SAMD4A: variants seen among roughly 807,000 people sequenced by gnomAD.
The protein encoded by SAMD4A is sterile alpha motif domain containing 4A, also known as protein Smaug homolog 1.
Under a neutral mutation model 81.3 loss-of-function variants are expected in SAMD4A, and 33 were observed. The observed-to-expected ratio is 0.41, with a 90% CI of 0.31 to 0.54. The LOEUF (loss-of-function observed/expected upper bound fraction) is 0.54. Among genes scored for constraint, SAMD4A ranks in the 20% least tolerant of loss-of-function variants. The probability of loss-of-function intolerance (pLI) is 0.37; values close to 1 mark genes in which losing one functional copy is unlikely to be tolerated. For synonymous variants in SAMD4A, 389 were observed against 382.1 expected (o/e 1.02, Z -0.21); for missense variants, 854 against 951.1 (o/e 0.90, Z 1.34).
At chr14:54,569,349 A>G (rs1212449121) in intron 2 of SAMD4A, among the ~76,000 whole-genome samples, 1 of 152,166 alleles carries the variant, frequency 6.6e-6, no homozygotes, top group African/African-American at 2.4e-5. Context: ...CTAGAATGGG[A>G]TGCTTCCATA....
intron 2 of SAMD4A, among the ~76,000 whole-genome samples, chr14:54,576,612 A>G (rs1001302836): frequency 1.3e-5 from 2 of 152,222 alleles, no homozygotes; most frequent in African/African-American, 2.4e-5. Context: ...TGGAGAACTA[A>G]TGCCATTTCC....
At chr14:54,721,206 C>T (rs1260149526) in intron 3 of SAMD4A, among the ~76,000 whole-genome samples, 1 of 152,172 alleles carries the variant, frequency 6.6e-6, no homozygotes, top group Non-Finnish European at 1.5e-5. Flanking sequence ...TTCACCATAG[C>T]ATTCCATTGT....
At chr14:54,766,414 C>T (rs1453405093) in intron 8 of SAMD4A, among the ~76,000 whole-genome samples, 1 of 152,146 alleles carries the variant, frequency 6.6e-6, no homozygotes, top group Non-Finnish European at 1.5e-5. Flanking sequence ...CCATCACAGC[C>T]ATGATGAGAA....
In SAMD4A at chr14:54,667,694, A is replaced by G. The variant is rs137962901; in HGVS notation, c.197-34368A>G. ...CTTCTCTCTCTTGCTGTCATGTGCAATTTGTTTCACCAGTAACTCAGGTGG... is the reference window on the plus strand; with the variant it reads ...CTTCTCTCTCTTGCTGTCATGTGCAGTTTGTTTCACCAGTAACTCAGGTGG... On this transcript the variant is annotated intron_variant, in intron 2 of 12. Transcript: ENST00000554335. Among the ~76,000 whole-genome samples the G allele has an allele frequency of 6.8e-4, 104 of 152,232 alleles. 2 individuals carry two copies. The highest frequency in any genetic ancestry group is 2.2e-4 in the Non-Finnish European group (15 of 68,016).
Position 54,664,813 on chromosome 14 carries a change from A to G in SAMD4A, c.197-37249A>G, listed in dbSNP as rs542595188. Among the ~76,000 whole-genome samples, 27 of 115,950 alleles carry G rather than the reference A, an allele frequency of 2.3e-4. No individual in the cohort carries two copies. In the South Asian group the frequency reaches 6.8e-3, roughly 29 times the overall value. The allele number at this position is 115,950 out of a possible 152,430, so 76.1% of individuals were successfully genotyped here. On this transcript the variant is annotated intron_variant, in intron 2 of 12. Coordinates refer to ENST00000554335, the MANE Select transcript of SAMD4A (RefSeq NM_015589.6). ...ATATGTTTAATTATGTGAATCCAAC[A>G]CACACACACACACACACACACACAC...
chr14:54,654,177 A>G (rs1357526538), intron 2 of SAMD4A, among the ~76,000 whole-genome samples: 3 of 152,140 alleles, frequency 2.0e-5, no homozygotes, highest in African/African-American at 7.2e-5. Context: ...CCCAAGCTTG[A>G]GCTCTTTCCT....
intron 2 of SAMD4A, among the ~76,000 whole-genome samples, chr14:54,625,149 TA>T (rs2034714430): frequency 6.6e-6 from 1 of 152,082 alleles, no homozygotes; most frequent in Non-Finnish European, 1.5e-5. Context: ...CCACAGCCCA[TA>T]AAAGGTTTTC....
intron 3 of SAMD4A, among the ~76,000 whole-genome samples, chr14:54,712,116 GA>G: frequency 6.6e-6 from 1 of 152,136 alleles, no homozygotes; most frequent in South Asian, 2.1e-4. Context: ...TGGCCTCTTG[GA>G]ACCTAAAAAG....
chr14:54,570,438 A>G (rs1202667), intron 2 of SAMD4A, among the ~76,000 whole-genome samples: 90,801 of 152,048 alleles, frequency 0.6, 28,570 homozygotes, highest in Non-Finnish European at 0.7. Context: ...TCTAGACACA[A>G]TCCTAACATT....
chr14:54,575,289 C>G (rs1253344955), intron 2 of SAMD4A, among the ~76,000 whole-genome samples: 1 of 152,198 alleles, frequency 6.6e-6, no homozygotes, highest in Admixed American at 6.5e-5. Context: ...GATGCTCTTT[C>G]TCCTGTCTCA....
chr14:54,765,318 G>A (rs927903969), intron 8 of SAMD4A, among the ~76,000 whole-genome samples: 5 of 152,146 alleles, frequency 3.3e-5, no homozygotes, highest in African/African-American at 7.2e-5. Context: ...GTAGGATTTC[G>A]ATGTGAGAAT....
intron 11 of SAMD4A, among the ~76,000 whole-genome samples, chr14:54,779,995 T>C (rs1338566578): frequency 6.6e-6 from 1 of 152,182 alleles, no homozygotes; most frequent in South Asian, 2.1e-4. Flanking sequence ...TGGAAGCAAC[T>C]AATTTCTACT....
intron 2 of SAMD4A, among the ~76,000 whole-genome samples, chr14:54,590,957 T>TA (rs2033758100): frequency 6.6e-6 from 1 of 152,210 alleles, no homozygotes; most frequent in Non-Finnish European, 1.5e-5. Flanking sequence ...TAAAAGTTTT[T>TA]AAAATCAGAG....
At chr14:54,713,441 G>A (rs2037041229) in intron 3 of SAMD4A, among the ~76,000 whole-genome samples, 1 of 152,150 alleles carries the variant, frequency 6.6e-6, no homozygotes, top group Admixed American at 6.6e-5. Context: ...AGCCAGGTGA[G>A]CAGGGGGCTC....
At chr14:54,774,838 A>ATTT in intron 9 of SAMD4A, 96 bp from the exon 10 acceptor site, 4 of 865,510 alleles carry the variant, frequency 4.6e-6, no homozygotes, top group Non-Finnish European at 5.2e-6. Context: ...AAAAAAAATG[A>ATTT]GGAGACCTCC....
At chr14:54,588,807 T>C (rs1355543907) in intron 2 of SAMD4A, among the ~76,000 whole-genome samples, 1 of 152,186 alleles carries the variant, frequency 6.6e-6, no homozygotes, top group African/African-American at 2.4e-5. Flanking sequence ...TATATATGGA[T>C]TTCCCCCCAT....
chr14:54,764,268 C>A (rs1416980605), intron 7 of SAMD4A, among the ~76,000 whole-genome samples, 187 bp from the exon 8 acceptor site: 2 of 152,200 alleles, frequency 1.3e-5, no homozygotes, highest in African/African-American at 4.8e-5. Flanking sequence ...GAGACAAGGG[C>A]TCCCACGGTG....
intron 6 of SAMD4A, 96 bp from the exon 7 acceptor site, chr14:54,760,065 A>C (rs1167365274): frequency 3.9e-6 from 5 of 1,298,274 alleles, no homozygotes; most frequent in Non-Finnish European, 3.2e-6. Flanking sequence ...AGCAGCCACG[A>C]ATCCTGTAAG....
chr14:54,747,238 T>C (rs2037991217), intron 4 of SAMD4A, among the ~76,000 whole-genome samples: 1 of 152,256 alleles, frequency 6.6e-6, no homozygotes, highest in African/African-American at 2.4e-5. Flanking sequence ...TAACTGAGTC[T>C]GTTCTTAAGA....
Sources: allele counts gnomAD v4.1 joint callset (sites outside exome capture counted in the v4.1 genomes callset), GRCh38; gene constraint gnomAD v4.1.1; transcripts MANE v1.5; gene names NCBI Gene and HGNC (gene_info 2026-07-23, HGNC 2026-07-21).